C17orf67: variants seen among roughly 807,000 people sequenced by gnomAD.
The protein encoded by C17orf67 is uncharacterized protein C17orf67.
In C17orf67, 12 loss-of-function variants were observed where a neutral mutation model predicts 11.2. The ratio of observed to expected loss-of-function variants is 1.07; its 90% CI spans 0.68 to 1.73. The LOEUF is 1.73. Ranked by LOEUF, C17orf67 falls within the 40% of genes most tolerant of loss-of-function variation. The pLI is 0.00. For missense variants in C17orf67, 115 were observed against 113.5 expected, an observed-to-expected ratio of 1.01 and a Z score of -0.06; for synonymous variants, 59 against 46.9, an observed-to-expected ratio of 1.26 and a Z score of -1.05.
intron 2 of C17orf67, among the ~76,000 whole-genome samples, chr17:56,832,164 T>C (rs531458913): frequency 4.0e-4 from 61 of 152,270 alleles, no homozygotes; most frequent in African/African-American, 1.4e-3. Flanking sequence ...ACCAGGCTGA[T>C]CTTGAATTCC....
intron 6 of C17orf67, among the ~76,000 whole-genome samples, chr17:56,812,538 A>G (rs1352394358): frequency 2.6e-5 from 4 of 152,130 alleles, no homozygotes; most frequent in African/African-American, 9.7e-5. Flanking sequence ...AACTGGACTG[A>G]ATGCCTGAGG....
At chr17:56,818,347 C>T (rs984756094) in intron 4 of C17orf67, among the ~76,000 whole-genome samples, 26 of 152,162 alleles carry the variant, frequency 1.7e-4, no homozygotes, top group Non-Finnish European at 3.2e-4. Flanking sequence ...TCTAATGTGT[C>T]CAATGTAAAT....
chr17:56,822,229 T>C (rs1905920918), intron 4 of C17orf67, among the ~76,000 whole-genome samples: 1 of 152,254 alleles, frequency 6.6e-6, no homozygotes, highest in African/African-American at 2.4e-5. Context: ...AGGATTCTAA[T>C]GGGATGGTTA....
chr17:56,795,029 GAGA>G lies in C17orf67; in HGVS notation c.*20+12_*20+14del, dbSNP rs774262394. 25 of 1,560,084 alleles carry G rather than the reference GAGA, an allele frequency of 1.6e-5. No homozygotes were observed. Among genetic ancestry groups the G allele is most frequent in the African/African-American group, 2.7e-5 (2 of 73,946 alleles). On this transcript the variant is annotated intron_variant, in intron 7 of 7. Coordinates refer to ENST00000397861, the MANE Select transcript of C17orf67 (RefSeq NM_001085430.4). ...CTCCCTCAGACAGAGGTCCGGGAGA[GAGA>G]AGGAGACGTACCGAGGCTGGTCCTG...
chr17:56,821,128 G>A (rs904425994), intron 4 of C17orf67, among the ~76,000 whole-genome samples: 11 of 151,802 alleles, frequency 7.2e-5, no homozygotes, highest in Non-Finnish European at 1.6e-4. Context: ...TTGCTATGTT[G>A]TCCAGGCTGC....
At chr17:56,828,936 T>C (rs1300366901) in intron 2 of C17orf67, among the ~76,000 whole-genome samples, 1 of 151,598 alleles carries the variant, frequency 6.6e-6, no homozygotes, top group Non-Finnish European at 1.5e-5. Flanking sequence ...ACATCCCCAG[T>C]TTTGTAGATG....
intron 5 of C17orf67, 88 bp downstream of exon 5, chr17:56,815,668 T>G: frequency 1.8e-6 from 2 of 1,127,420 alleles, no homozygotes; most frequent in Non-Finnish European, 2.3e-6. Flanking sequence ...ACACTATATA[T>G]TATTTAAAAT....
chr17:56,831,370 G>C (rs1906195812), intron 2 of C17orf67, among the ~76,000 whole-genome samples: 2 of 152,186 alleles, frequency 1.3e-5, no homozygotes, highest in Non-Finnish European at 2.9e-5. Context: ...CTGGAACAGA[G>C]AGGGATGGCA....
chr17:56,819,930 T>G (rs910837118), intron 4 of C17orf67, among the ~76,000 whole-genome samples: 1 of 152,174 alleles, frequency 6.6e-6, no homozygotes, highest in Non-Finnish European at 1.5e-5. Context: ...ATTCAAGAAG[T>G]TGCCAGCGAT....
chr17:56,832,238 G>A (rs1048330869), intron 2 of C17orf67, among the ~76,000 whole-genome samples: 2 of 152,124 alleles, frequency 1.3e-5, no homozygotes, highest in Non-Finnish European at 2.9e-5. Flanking sequence ...GAGCCACAGC[G>A]CCCGGCCTAA....
intron 6 of C17orf67, among the ~76,000 whole-genome samples, chr17:56,799,390 A>G (rs933152770): frequency 6.6e-6 from 1 of 152,172 alleles, no homozygotes; most frequent in South Asian, 2.1e-4. Flanking sequence ...GTTTAACTCC[A>G]TGTCTTTCCG....
chr17:56,798,113 T>C (rs1431564068), intron 6 of C17orf67, among the ~76,000 whole-genome samples: 1 of 152,030 alleles, frequency 6.6e-6, no homozygotes, highest in East Asian at 1.9e-4. Flanking sequence ...TTCAGCGCAC[T>C]CCTCTTCCTT....
At chr17:56,799,386 C>A in intron 6 of C17orf67, among the ~76,000 whole-genome samples, 1 of 152,220 alleles carries the variant, frequency 6.6e-6, no homozygotes, top group East Asian at 1.9e-4. Context: ...TTAAGTTTAA[C>A]TCCATGTCTT....
Position 56,825,277 on chromosome 17 carries a change from C to G in C17orf67, c.-512G>C, listed in dbSNP as rs1169811959. 6.6e-6 allele frequency: 1 copy of G among 152,238 alleles called. No homozygotes were observed. The highest frequency in any genetic ancestry group is 2.4e-5 in the African/African-American group (1 of 41,452). The allele number at this position is 152,238 out of a possible 1,614,324, so 9.4% of individuals were successfully genotyped here. A position where few individuals can be genotyped will look rare whatever the true frequency, so the allele number is the denominator to read the frequency against. ...GATAAACCTAAGTTCAAAGCCCCAA[C>G]TCAGTTGACTCCTGACTGTGTGATA... On this transcript the variant is annotated 5_prime_UTR_variant, in exon 3 of 8. Transcript: ENST00000397861.
At chr17:56,826,907 G>A (rs1045114954) in intron 2 of C17orf67, among the ~76,000 whole-genome samples, 3 of 152,228 alleles carry the variant, frequency 2.0e-5, no homozygotes, top group Non-Finnish European at 2.9e-5. Context: ...AGAGATGGAA[G>A]CAGGGTGCAG....
intron 2 of C17orf67, among the ~76,000 whole-genome samples, chr17:56,828,529 T>C (rs1330947572): frequency 6.6e-6 from 1 of 152,236 alleles, no homozygotes; most frequent in African/African-American, 2.4e-5. Flanking sequence ...ACTTTTTTGA[T>C]GTTGTTTATA....
chr17:56,797,746 C>T (rs1405222162), intron 6 of C17orf67, among the ~76,000 whole-genome samples: 2 of 152,162 alleles, frequency 1.3e-5, no homozygotes, highest in South Asian at 4.1e-4. Context: ...TCAGTTGGCT[C>T]GTGCTCTGCC....
chr17:56,831,941 A>C (rs1906215597), intron 2 of C17orf67, among the ~76,000 whole-genome samples: 1 of 151,828 alleles, frequency 6.6e-6, no homozygotes, highest in African/African-American at 2.4e-5. Flanking sequence ...TTAAACACAC[A>C]GTTTCTTTTT....
chr17:56,832,057 TG>T (rs1906219547), intron 2 of C17orf67, among the ~76,000 whole-genome samples: 1 of 152,168 alleles, frequency 6.6e-6, no homozygotes, highest in South Asian at 2.1e-4. Context: ...AGCAATTCTC[TG>T]CCTCAAGCCT....
Sources: gnomAD v4.1 joint callset for allele counts (sites outside exome capture counted in the v4.1 genomes callset) on GRCh38, gnomAD v4.1.1 for gene constraint, MANE v1.5 for transcripts, NCBI Gene and HGNC (gene_info 2026-07-23, HGNC 2026-07-21) for gene names.